PCNX2: variants seen among roughly 807,000 people sequenced by gnomAD.
PCNX2 encodes pecanex 2.
A neutral mutation model predicts 223.8 loss-of-function variants in PCNX2; 168 were observed. The observed-to-expected ratio is 0.75, with a 90% confidence interval of 0.66 to 0.85. The LOEUF (loss-of-function observed/expected upper bound fraction) is 0.85. Ranked by LOEUF, PCNX2 falls within the 40% of genes least tolerant of loss-of-function variation. The pLI is 0.00. For synonymous variants in PCNX2, 1,006 were observed against 1,052.6 expected (o/e 0.96, Z 0.86); for missense variants, 2,507 against 2,675.5 (o/e 0.94, Z 1.39).
At chr1:233,231,176 T>G (rs1173132871) in intron 9 of PCNX2, among the ~76,000 whole-genome samples, 1 of 152,116 alleles carries the variant, frequency 6.6e-6, no homozygotes, top group Non-Finnish European at 1.5e-5. Context: ...TCTACAATCA[T>G]GCTTAAGGGG....
chr1:233,078,658 C>T (rs896681393), intron 23 of PCNX2, among the ~76,000 whole-genome samples: 1 of 152,212 alleles, frequency 6.6e-6, no homozygotes, highest in African/African-American at 2.4e-5. Flanking sequence ...CAGCAGACAG[C>T]TGGGAAGCAG....
intron 25 of PCNX2, among the ~76,000 whole-genome samples, chr1:233,031,619 G>A (rs1671267019): frequency 6.6e-6 from 1 of 152,122 alleles, no homozygotes; most frequent in South Asian, 2.1e-4. Flanking sequence ...CACATTCAGA[G>A]CTATTAGGAT....
chr1:233,187,471 T>C (rs79392862), intron 15 of PCNX2, among the ~76,000 whole-genome samples: 9,026 of 152,200 alleles, frequency 0.059, 524 homozygotes, highest in East Asian at 0.31. Flanking sequence ...CTCTCCTCTC[T>C]GTATCCCTCA....
At chr1:233,110,706 T>C (rs1178331263) in intron 21 of PCNX2, among the ~76,000 whole-genome samples, 1 of 151,912 alleles carries the variant, frequency 6.6e-6, no homozygotes, top group Non-Finnish European at 1.5e-5. Flanking sequence ...TCTTAGCATA[T>C]GTAAGAATAA....
chr1:233,146,386 T>C (rs1052991153), intron 19 of PCNX2, among the ~76,000 whole-genome samples: 12 of 152,138 alleles, frequency 7.9e-5, no homozygotes, highest in African/African-American at 2.9e-4. Flanking sequence ...AGCAGTCTTT[T>C]TGAAGTACTT....
At chr1:233,193,440 A>G (rs1055847752) in intron 15 of PCNX2, among the ~76,000 whole-genome samples, 33 of 152,196 alleles carry the variant, frequency 2.2e-4, no homozygotes, top group African/African-American at 7.2e-4. Context: ...TAAGAGAACC[A>G]CGCCTAATCA....
In PCNX2 at chr1:233,248,198, C is replaced by G. The variant is rs944455728; in HGVS notation, c.2222+2541G>C. Among the ~76,000 whole-genome samples the G allele has an allele frequency of 2.6e-5, 4 of 152,178 alleles. No homozygotes were observed. The South Asian group carries it at 8.3e-4, about 32-fold the overall frequency. ...GTTGCCTTTTCACCAGAAACAGAGTCCTCGGGGTCACCTGTTGATTTTTGC... is the reference window on the plus strand; with the variant it reads ...GTTGCCTTTTCACCAGAAACAGAGTGCTCGGGGTCACCTGTTGATTTTTGC... On this transcript the variant is annotated intron_variant, in intron 8 of 33. Coordinates refer to ENST00000258229, the MANE Select transcript of PCNX2 (RefSeq NM_014801.4).
intron 33 of PCNX2, 109 bp from the exon 34 acceptor site, chr1:232,984,586 A>T: frequency 7.8e-7 from 1 of 1,275,126 alleles, no homozygotes. Context: ...TAGCGCTGCC[A>T]TATCCTTGAG....
intron 17 of PCNX2, among the ~76,000 whole-genome samples, chr1:233,162,214 T>C (rs747447784): frequency 1.3e-5 from 2 of 152,052 alleles, no homozygotes; most frequent in Admixed American, 6.6e-5. Flanking sequence ...GAGCACAATA[T>C]TGCTGGCTGA....
chr1:233,055,634 G>A lies in PCNX2; in HGVS notation c.4136-1151C>T, dbSNP rs540049753. 5.9e-5 allele frequency among the ~76,000 whole-genome samples: 9 copies of A among 152,220 alleles called. No homozygotes were observed. The South Asian group carries it at 1.9e-3, about 32-fold the overall frequency. On this transcript the variant is annotated intron_variant, in intron 24 of 33. Coordinates refer to ENST00000258229, the MANE Select transcript of PCNX2 (RefSeq NM_014801.4). ...GGAGAAGCCTAGGCAAAATGTTCAC[G>A]TTCATGACTTTTATTCTAGGAGTAG...
rs1195304761 is a variant in PCNX2 at position 233,262,142 on chromosome 1, C to T, written c.383G>A (p.Gly128Asp). 1.9e-5 allele frequency: 30 copies of T among 1,613,606 alleles called. No homozygotes were observed. Among genetic ancestry groups the T allele is most frequent in the Non-Finnish European group, 2.5e-5 (29 of 1,179,726 alleles). ...GTTTCGACTGGCCTCTTCCTTTTTG[C>T]CATTGTGAATCTGCCTATTATTGCT... is the stretch of plus-strand genomic sequence containing the variant. ...NPSNNRQIHN[G>D]KKEEASRNLS... The change falls in exon 3 of 34, where the codon GGC becomes GAC. Residue 128 changes from glycine (G) to aspartate (D), a missense_variant. Physicochemically the swap from Gly to Asp is moderately conservative, Grantham distance 94. Around this residue, in one of 3 missense-constraint regions of PCNX2, gnomAD observed 1,031 missense variants for 1,021.7 expected, o/e 1.01. Transcript: ENST00000258229.
the PCNX2 span, among the ~76,000 whole-genome samples, chr1:233,318,570 T>C: frequency 1.4e-5 from 2 of 140,522 alleles, no homozygotes; most frequent in Non-Finnish European, 3.0e-5. Context: ...TTTCTTTTTT[T>C]TTTTTTTTTT....
chr1:233,090,210 G>GA lies in PCNX2; in HGVS notation c.3947-21_3947-20insT. The GA allele has an allele frequency of 6.3e-7, 1 of 1,586,016 alleles. No homozygotes were observed. Among genetic ancestry groups the GA allele is most frequent in the African/African-American group, 1.4e-5 (1 of 71,028 alleles). The stretch of plus-strand genomic sequence containing the variant: ...CAGAATCTGAGAATGTTGAGTTAAG[G>GA]CAAAAAAAAAAATTATGATTCTTAG... On this transcript the variant is annotated intron_variant, in intron 22 of 33. Coordinates refer to ENST00000258229, the MANE Select transcript of PCNX2 (RefSeq NM_014801.4).
chr1:233,119,109 C>G (rs902359419), intron 21 of PCNX2, among the ~76,000 whole-genome samples: 1 of 152,000 alleles, frequency 6.6e-6, no homozygotes, highest in Non-Finnish European at 1.5e-5. Flanking sequence ...GAAGGAAAGA[C>G]AGTCATTTCA....
At chr1:233,095,956 G>T in intron 21 of PCNX2, 93 bp from the exon 22 acceptor site, 1 of 897,302 alleles carries the variant, frequency 1.1e-6, no homozygotes, top group Non-Finnish European at 1.7e-6. Flanking sequence ...TCAAGGTTAG[G>T]AAGGGGCAGT....
At chr1:233,317,635 A>G in the PCNX2 span, among the ~76,000 whole-genome samples, 4 of 151,920 alleles carry the variant, frequency 2.6e-5, no homozygotes, top group African/African-American at 9.7e-5. Context: ...AGTGAAATTG[A>G]TCTTTGGTGT....
the PCNX2 span, among the ~76,000 whole-genome samples, chr1:233,316,077 G>A: frequency 6.6e-6 from 1 of 152,134 alleles, no homozygotes; most frequent in African/African-American, 2.4e-5. Flanking sequence ...GAACCACTCA[G>A]GTTTTTACAT....
intron 28 of PCNX2, among the ~76,000 whole-genome samples, chr1:233,003,247 A>G (rs1197544676): frequency 6.6e-6 from 1 of 152,236 alleles, no homozygotes; most frequent in Admixed American, 6.5e-5. Flanking sequence ...AATTTTTGCA[A>G]TCTGTCTATC....
At chr1:233,218,388 A>C (rs940045524) in intron 10 of PCNX2, among the ~76,000 whole-genome samples, 21 of 150,358 alleles carry the variant, frequency 1.4e-4, no homozygotes, top group African/African-American at 5.2e-4. Flanking sequence ...AGCTGGGACT[A>C]CAGGCACCCG....
Sources: allele counts gnomAD v4.1 joint callset (sites outside exome capture counted in the v4.1 genomes callset), GRCh38; gene constraint gnomAD v4.1.1; regional missense constraint gnomAD v4.1.1; transcripts MANE v1.5; gene names NCBI Gene and HGNC (gene_info 2026-07-23, HGNC 2026-07-21).